CDH12: variants seen among roughly 807,000 people sequenced by gnomAD.
CDH12 encodes the protein cadherin 12.
In CDH12, 41 loss-of-function variants were observed where a neutral mutation model predicts 74.1. The observed-to-expected ratio is 0.55, with a 90% confidence interval of 0.43 to 0.72. The LOEUF (loss-of-function observed/expected upper bound fraction) is 0.72, where lower values mean the gene tolerates loss of function less well. Ranked by LOEUF, CDH12 falls within the 30% of genes least tolerant of loss-of-function variation. CDH12 has a pLI of 0.00. For missense variants in CDH12, 945 were observed against 977.2 expected (o/e 0.97, Z 0.44); for synonymous variants, 399 against 355.0 (o/e 1.12, Z -1.39).
chr5:22,484,825 C>T (rs1365084579), intron 2 of CDH12, among the ~76,000 whole-genome samples: 3 of 152,046 alleles, frequency 2.0e-5, no homozygotes. Flanking sequence ...CATATTTCTC[C>T]TATTTTGATT....
At chr5:22,477,470 C>G (rs1199972677) in intron 2 of CDH12, among the ~76,000 whole-genome samples, 1 of 152,126 alleles carries the variant, frequency 6.6e-6, no homozygotes, top group Non-Finnish European at 1.5e-5. Flanking sequence ...ACCACATTTT[C>G]TTTGCCTGGT....
chr5:22,101,130 C>T (rs998664098), intron 4 of CDH12, among the ~76,000 whole-genome samples: 2 of 151,250 alleles, frequency 1.3e-5, no homozygotes, highest in Non-Finnish European at 2.9e-5. Flanking sequence ...ATATTAATGC[C>T]CAGAACTTTG....
intron 1 of CDH12, among the ~76,000 whole-genome samples, chr5:22,713,124 T>A (rs509092): frequency 6.8e-6 from 1 of 147,032 alleles, no homozygotes; most frequent in Non-Finnish European, 1.5e-5. Context: ...TATGATCTTA[T>A]GCTAATTCTT....
chr5:22,757,985 G>T (rs1035633391), intron 1 of CDH12, among the ~76,000 whole-genome samples: 1 of 152,172 alleles, frequency 6.6e-6, no homozygotes, highest in African/African-American at 2.4e-5. Context: ...TTATGTGATA[G>T]AATGTGGGAA....
chr5:22,433,738 A>T (rs546230641), intron 2 of CDH12, among the ~76,000 whole-genome samples: 1 of 152,300 alleles, frequency 6.6e-6, no homozygotes, highest in African/African-American at 2.4e-5. Context: ...AGTACTTACA[A>T]GCTGTTTAGG....
rs1378403101 is a variant in CDH12 at position 22,654,675 on chromosome 5, G to C, written c.-522-149311C>G. On this transcript the variant is annotated intron_variant, in intron 1 of 14. Transcript: ENST00000382254. The stretch of plus-strand genomic sequence containing the variant: ...GTTTTGAGACAGTTTCGCTCTTGTT[G>C]CCTAGGCTGGAGTGCAATGTCTCCA... Among the ~76,000 whole-genome samples, 6 of 145,676 alleles carry C rather than the reference G, an allele frequency of 4.1e-5. No individual in the cohort carries two copies. The East Asian group carries it at 1.3e-3, about 30-fold the overall frequency.
intron 10 of CDH12, among the ~76,000 whole-genome samples, chr5:21,791,492 C>CA (rs1420551954): frequency 6.6e-6 from 1 of 151,882 alleles, no homozygotes; most frequent in African/African-American, 2.4e-5. Flanking sequence ...AACAGTATAA[C>CA]ATGAACTGTG....
chr5:22,410,788 C>T (rs1743140004), intron 2 of CDH12, among the ~76,000 whole-genome samples: 1 of 151,890 alleles, frequency 6.6e-6, no homozygotes, highest in Non-Finnish European at 1.5e-5. Flanking sequence ...GTTTGGGATA[C>T]AGAAGAGATT....
chr5:22,005,625 C>T (rs1221588548), intron 5 of CDH12, among the ~76,000 whole-genome samples: 1 of 150,038 alleles, frequency 6.7e-6, no homozygotes, highest in African/African-American at 2.4e-5. Context: ...TGTATTAAAA[C>T]ATTTTTACCT....
At chr5:22,377,499 A>G (rs1401841036) in intron 3 of CDH12, among the ~76,000 whole-genome samples, 1 of 152,104 alleles carries the variant, frequency 6.6e-6, no homozygotes, top group Non-Finnish European at 1.5e-5. Flanking sequence ...GGCTTGAGAG[A>G]GAGCAAGGCG....
intron 3 of CDH12, among the ~76,000 whole-genome samples, chr5:22,320,426 A>C (rs1580519939): frequency 6.6e-6 from 1 of 152,286 alleles, no homozygotes; most frequent in Middle Eastern, 3.4e-3. Context: ...TTATTTGAAA[A>C]TTTGAATGGC....
At chr5:22,739,564 A>G (rs1744915722) in intron 1 of CDH12, among the ~76,000 whole-genome samples, 2 of 152,110 alleles carry the variant, frequency 1.3e-5, no homozygotes, top group Admixed American at 1.3e-4. Flanking sequence ...TTGTTTTGTA[A>G]GAACACTTAA....
rs576589714 is a variant in CDH12 at position 21,838,299 on chromosome 5, C to A, written c.814+3862G>T. ...TGCTGGCCAGGCATGGTGGCCCATG[C>A]CTGTAATCCCAGCACTTTGGGAGGC... On this transcript the variant is annotated intron_variant, in intron 8 of 14. Transcript: ENST00000382254. 5.8e-3 allele frequency among the ~76,000 whole-genome samples: 883 copies of A among 152,294 alleles called. 8 individuals carry two copies. Among genetic ancestry groups the A allele is most frequent in the Non-Finnish European group, 8.2e-3 (558 of 68,028 alleles).
At chr5:22,800,514 G>C (rs1748455728) in intron 1 of CDH12, among the ~76,000 whole-genome samples, 1 of 152,116 alleles carries the variant, frequency 6.6e-6, no homozygotes, top group Non-Finnish European at 1.5e-5. Context: ...TCCCCAAAAA[G>C]AGTGGTACAT....
intron 3 of CDH12, among the ~76,000 whole-genome samples, chr5:22,303,274 T>G (rs1737967738): frequency 6.6e-6 from 1 of 152,102 alleles, no homozygotes; most frequent in South Asian, 2.1e-4. Context: ...AAATGTATGA[T>G]TTTTTTCAGC....
intron 6 of CDH12, among the ~76,000 whole-genome samples, chr5:21,866,395 C>T (rs1459381459): frequency 2.0e-5 from 3 of 152,098 alleles, no homozygotes; most frequent in African/African-American, 7.2e-5. Context: ...TGGCTTTGAC[C>T]AAAACACTGT....
intron 8 of CDH12, among the ~76,000 whole-genome samples, chr5:21,841,649 A>C: frequency 6.6e-6 from 1 of 151,820 alleles, no homozygotes; most frequent in East Asian, 1.9e-4. Context: ...AAAATGTGGC[A>C]CATACACACC....
intron 6 of CDH12, among the ~76,000 whole-genome samples, chr5:21,961,083 A>G (rs1046178107): frequency 6.6e-6 from 1 of 152,010 alleles, no homozygotes; most frequent in Non-Finnish European, 1.5e-5. Flanking sequence ...AGAATCTTCC[A>G]AATCCTTACT....
chr5:21,779,820 C>T (rs17327618), intron 11 of CDH12, among the ~76,000 whole-genome samples: 2,870 of 152,258 alleles, frequency 0.019, 55 homozygotes, highest in Middle Eastern at 0.051. Flanking sequence ...GGAAGACAGT[C>T]TTAGGCATTA....
Sources: gnomAD v4.1 joint callset for allele counts (sites outside exome capture counted in the v4.1 genomes callset) on GRCh38, gnomAD v4.1.1 for gene constraint, MANE v1.5 for transcripts, NCBI Gene and HGNC (gene_info 2026-07-23, HGNC 2026-07-21) for gene names.